Variants in TEX38 observed in about 807,000 individuals in gnomAD.
TEX38 encodes testis-expressed protein 38.
Under a neutral mutation model 2.7 loss-of-function variants are expected in TEX38, and 5 were observed. The observed-to-expected ratio is 1.86, with a 90% CI of 0.97 to 3.90. The LOEUF (loss-of-function observed/expected upper bound fraction) is 3.90. Ranked by LOEUF, TEX38 falls within the 30% of genes most tolerant of loss-of-function variation. The pLI is 0.00. For synonymous variants in TEX38, 110 were observed against 103.3 expected, an observed-to-expected ratio of 1.06 and a Z score of -0.39; for missense variants, 218 against 247.9, an observed-to-expected ratio of 0.88 and a Z score of 0.81.
upstream of TEX38, among the ~76,000 whole-genome samples, chr1:46,671,433 A>G (rs1450588573): frequency 1.1e-4 from 16 of 152,226 alleles, no homozygotes. Flanking sequence ...GGTATTGACC[A>G]CTTGGTTCCC....
chr1:46,670,975 A>G (rs946344130), upstream of TEX38, among the ~76,000 whole-genome samples: 2 of 152,002 alleles, frequency 1.3e-5, no homozygotes. Flanking sequence ...GTCCAGGGAG[A>G]TTAGTTGCTG....
At chr1:46,670,160 A>C (rs952060214), upstream of TEX38, among the ~76,000 whole-genome samples, 1 of 152,180 alleles carries the variant, frequency 6.6e-6, no homozygotes, top group African/African-American at 2.4e-5. Flanking sequence ...GTCACCCTAC[A>C]GGGAACAGTA....
rs1328894870 is a variant in TEX38 at position 46,673,400 on chromosome 1, A to C, written c.565A>C (p.Asn189His). The C allele has an allele frequency of 6.4e-6, 10 of 1,551,838 alleles. No individual in the cohort carries two copies. In the Admixed American group the frequency reaches 7.8e-5, roughly 12 times the overall value. ...GAATGTTCTCTTCCATTCCCTCCTGAATCTGGCCCAGGAAGACCATAGCTT... is the reference window on the plus strand; with the variant it reads ...GAATGTTCTCTTCCATTCCCTCCTGCATCTGGCCCAGGAAGACCATAGCTT... ...ERNVLFHSLL[N>H]LAQEDHSFNA... The change falls in exon 2 of 2, where the codon AAT becomes CAT. Residue 189 changes from asparagine to histidine, a missense_variant. By Grantham distance (68) the Asn-to-His change is moderately conservative. Coordinates refer to ENST00000334122, the MANE Select transcript of TEX38 (RefSeq NM_001145474.4).
chr1:46,671,656 C>A, upstream of TEX38: 1 of 456,622 alleles, frequency 2.2e-6, no homozygotes, highest in South Asian at 2.6e-5. Flanking sequence ...ACAGACAATT[C>A]AATAGGTGAA....
At chr1:46,672,480 A>G in intron 1 of TEX38, among the ~76,000 whole-genome samples, 1 of 152,128 alleles carries the variant, frequency 6.6e-6, no homozygotes, top group African/African-American at 2.4e-5. Context: ...CCTGACCTCA[A>G]GTGATCTGCC....
At chr1:46,671,627 T>C (rs1030673983), upstream of TEX38, 13 of 366,406 alleles carry the variant, frequency 3.5e-5, no homozygotes, top group African/African-American at 2.7e-4. Flanking sequence ...GCTCTGTGGG[T>C]TCACCATAAG....
chr1:46,672,416 A>G (rs1185657862), intron 1 of TEX38, among the ~76,000 whole-genome samples: 2 of 152,066 alleles, frequency 1.3e-5, no homozygotes, highest in Non-Finnish European at 2.9e-5. Flanking sequence ...GGCTAATTTT[A>G]AAATTTTTAG....
In TEX38 at chr1:46,673,321, A is replaced by AC. The variant is rs776783500; in HGVS notation, c.493dup (p.Leu165ProfsTer15). 1.1e-4 allele frequency: 172 copies of AC among 1,549,982 alleles called. 1 individual carries two copies. In the East Asian group the frequency reaches 3.5e-3, roughly 31 times the overall value. On this transcript the variant is annotated frameshift_variant, in exon 2 of 2. Coordinates refer to ENST00000334122, the MANE Select transcript of TEX38 (RefSeq NM_001145474.4). LOFTEE classifies it high-confidence loss of function. ...CCTTTGCCCCACCCTTGTGCAACCT[A>AC]CCCCCCCTGCTGAACCACTCTGTCT...
rs1270338472 is a variant in TEX38 at position 46,673,136 on chromosome 1, G to A, written c.301G>A (p.Val101Ile). The A allele has an allele frequency of 1.3e-6, 2 of 1,551,694 alleles. No individual in the cohort carries two copies. The highest frequency in any genetic ancestry group is 1.2e-5 in the South Asian group (1 of 84,060). Residue 101 changes from valine to isoleucine, a missense_variant, in exon 2 of 2, where the codon GTT becomes ATT. Transcript: ENST00000334122. ...TGAGACTGAGGTCCAGAATCCAGATGTTCTGTGGGATTTGGACATCCCCGA... is the reference window on the plus strand; with the variant it reads ...TGAGACTGAGGTCCAGAATCCAGATATTCTGTGGGATTTGGACATCCCCGA... ...KTETEVQNPD[V>I]LWDLDIPEGR...
rs1267380594 is a variant in TEX38, at chr1:46,671,972, G to A, written c.37+1G>A. 2.0e-6 allele frequency: 3 copies of A among 1,536,598 alleles called. No individual in the cohort carries two copies. Among genetic ancestry groups the A allele is most frequent in the African/African-American group, 1.4e-5 (1 of 72,770 alleles). Reference sequence around the variant, plus strand: ...CAGGAGGACCTGCGCTTCCCTGGGAGTAAGTGCTCCTCCAGTCCCTGTCAC... The same window carrying A: ...CAGGAGGACCTGCGCTTCCCTGGGAATAAGTGCTCCTCCAGTCCCTGTCAC... On this transcript the variant is annotated splice_donor_variant, in intron 1 of 1. Coordinates refer to ENST00000334122, the MANE Select transcript of TEX38 (RefSeq NM_001145474.4). LOFTEE classifies it high-confidence loss of function.
At position 46,672,989 on chromosome 1, in the gene TEX38, G is replaced by C. The variant is rs368239889; in HGVS notation, c.154G>C (p.Val52Leu). ...GCGGGAAGAGCATGCCCAGCAGTGG[G>C]TGGAGGTGATGAGAGCTGCCACATT... ...LRREEHAQQWVEVMRAATFTY... is the reference protein window; with the variant it reads ...LRREEHAQQWLEVMRAATFTY... Residue 52 changes from valine to leucine, a missense_variant, in exon 2 of 2, where the codon GTG becomes CTG. Physicochemically the swap from Val to Leu is conservative, Grantham distance 32. Coordinates refer to ENST00000334122, the MANE Select transcript of TEX38 (RefSeq NM_001145474.4). 3.9e-6 allele frequency: 6 copies of C among 1,551,704 alleles called. No individual in the cohort carries two copies. Among genetic ancestry groups the C allele is most frequent in the Non-Finnish European group, 2.6e-6 (3 of 1,146,984 alleles).
chr1:46,670,541 C>T (rs533719929), upstream of TEX38, among the ~76,000 whole-genome samples: 1 of 152,208 alleles, frequency 6.6e-6, no homozygotes, highest in South Asian at 2.1e-4. Flanking sequence ...GATACAGTTG[C>T]GTACTGTCAG....
At chr1:46,669,654 A>G (rs117594588), upstream of TEX38, among the ~76,000 whole-genome samples, 927 of 152,348 alleles carry the variant, frequency 6.1e-3, 30 homozygotes, top group Admixed American at 0.051. Context: ...GTAAATATAT[A>G]ATGTTAGGTG....
upstream of TEX38, chr1:46,669,576 T>C (rs1676553712): frequency 6.8e-6 from 3 of 444,418 alleles, no homozygotes; most frequent in Non-Finnish European, 4.6e-6. Flanking sequence ...GTTATCATTA[T>C]CTGAAGTTCT....
chr1:46,670,992 GAAAA>G (rs1369859812), upstream of TEX38, among the ~76,000 whole-genome samples: 1 of 152,124 alleles, frequency 6.6e-6, no homozygotes, highest in Non-Finnish European at 1.5e-5. Context: ...GCTGTGTGGG[GAAAA>G]ATCTACCCCC....
chr1:46,669,546 A>G (rs1403151739), upstream of TEX38: 5 of 455,286 alleles, frequency 1.1e-5, no homozygotes, highest in East Asian at 2.1e-4. Context: ...CCATCACTCT[A>G]TTGCATTCTC....
chr1:46,671,721 A>G, upstream of TEX38: 1 of 568,912 alleles, frequency 1.8e-6, no homozygotes. Flanking sequence ...CCACTGGATG[A>G]AGTCCCCTCC....
At chr1:46,671,806 T>G, upstream of TEX38, 1 of 942,378 alleles carries the variant, frequency 1.1e-6, no homozygotes, top group Non-Finnish European at 1.7e-6. Context: ...GACCTCTCCT[T>G]TAGAGAACAA....
upstream of TEX38, chr1:46,671,633 A>G (rs958987474): frequency 1.3e-5 from 5 of 386,018 alleles, no homozygotes; most frequent in Non-Finnish European, 2.4e-5. Context: ...TGGGTTCACC[A>G]TAAGGGGTAG....
Sources: allele counts gnomAD v4.1 joint callset (sites outside exome capture counted in the v4.1 genomes callset), GRCh38; gene constraint gnomAD v4.1.1; transcripts MANE v1.5; gene names NCBI Gene and HGNC (gene_info 2026-07-23, HGNC 2026-07-21).